PRMT8: variants seen among roughly 807,000 people sequenced by gnomAD.
PRMT8 encodes the protein protein arginine N-methyltransferase 8.
PRMT8 carries 7 observed loss-of-function variants against 47.1 expected under a neutral mutation model. The ratio of observed to expected loss-of-function variants is 0.15; its 90% CI spans 0.08 to 0.28. The LOEUF (loss-of-function observed/expected upper bound fraction) is 0.28. Among genes scored for constraint, PRMT8 ranks in the 10% least tolerant of loss-of-function variants. The pLI is 1.00. For missense variants in PRMT8, 237 were observed against 505.4 expected, an observed-to-expected ratio of 0.47 and a Z score of 5.09; for synonymous variants, 188 against 186.5, an observed-to-expected ratio of 1.01 and a Z score of -0.07.
rs1345082979 is a variant in PRMT8 at position 3,407,258 on chromosome 12, T to C, written c.48+25816T>C. 2.6e-5 allele frequency among the ~76,000 whole-genome samples: 4 copies of C among 152,196 alleles called. No individual in the cohort carries two copies. In the East Asian group the frequency reaches 7.7e-4, roughly 29 times the overall value. ...CCCACTGGGTCCCTCCCACAACACG[T>C]GGGGATTATGGGAATTACAATTCAA... On this transcript the variant is annotated intron_variant, in intron 1 of 9. Transcript: ENST00000452611.
At chr12:3,395,644 T>C (rs1864241706) in intron 1 of PRMT8, among the ~76,000 whole-genome samples, 1 of 149,016 alleles carries the variant, frequency 6.7e-6, no homozygotes, top group Non-Finnish European at 1.5e-5. Context: ...ATGTGGTCAA[T>C]TTTGGAATAG....
chr12:3,542,330 G>T (rs1226173945), intron 2 of PRMT8, among the ~76,000 whole-genome samples: 1 of 152,196 alleles, frequency 6.6e-6, no homozygotes, highest in Admixed American at 6.5e-5. Flanking sequence ...TGAGCCTGCA[G>T]CTTCTGGGAG....
rs1865461312 is a variant in PRMT8 at position 3,493,688 on chromosome 12, C to T, written c.75+1988C>T. 1.3e-5 allele frequency among the ~76,000 whole-genome samples: 2 copies of T among 152,254 alleles called. No homozygotes were observed. The highest frequency in any genetic ancestry group is 2.1e-4 in the South Asian group (1 of 4,836). On this transcript the variant is annotated intron_variant, in intron 1 of 9. Transcript: ENST00000382622. The surrounding 1 kb of genome is among the most constrained non-coding windows in gnomAD (Gnocchi z 8.2). ...GCCAGTCTATTTTTACTTGCTTCCC[C>T]CGCCGCTCCGCGCTCCCCCTTCTCA... is the stretch of plus-strand genomic sequence containing the variant.
chr12:3,509,552 C>T (rs973888962), intron 1 of PRMT8, among the ~76,000 whole-genome samples: 32 of 152,202 alleles, frequency 2.1e-4, no homozygotes, highest in Admixed American at 8.5e-4. Flanking sequence ...GCATCTACCA[C>T]GATAGCTGGT....
chr12:3,442,571 G>C (rs957961387), intron 1 of PRMT8, among the ~76,000 whole-genome samples: 4 of 152,208 alleles, frequency 2.6e-5, no homozygotes, highest in African/African-American at 9.6e-5. Context: ...AGAGAATGGG[G>C]TACCAGGGCT....
chr12:3,549,583 C>G (rs372650894), intron 2 of PRMT8, among the ~76,000 whole-genome samples: 18 of 152,018 alleles, frequency 1.2e-4, no homozygotes, highest in African/African-American at 4.1e-4. Context: ...TGACAATTCT[C>G]TCACCATGAC....
intron 1 of PRMT8, among the ~76,000 whole-genome samples, chr12:3,414,967 G>A (rs867611409): frequency 6.6e-6 from 1 of 152,068 alleles, no homozygotes; most frequent in East Asian, 1.9e-4. Flanking sequence ...CAGGTCAGCT[G>A]TTTCACTTAG....
intron 1 of PRMT8, among the ~76,000 whole-genome samples, chr12:3,539,899 C>T (rs896057762): frequency 5.9e-5 from 9 of 152,172 alleles, no homozygotes; most frequent in African/African-American, 1.9e-4. Context: ...TAGGAGACAC[C>T]AGAACCTAAG....
At chr12:3,524,814 A>G (rs767322917) in intron 1 of PRMT8, among the ~76,000 whole-genome samples, 6 of 152,080 alleles carry the variant, frequency 3.9e-5, no homozygotes, top group Non-Finnish European at 8.8e-5. Context: ...CCTATCAAAC[A>G]CCCAATCTTG....
intron 4 of PRMT8, among the ~76,000 whole-genome samples, chr12:3,554,971 A>G (rs565205635): frequency 6.6e-5 from 10 of 152,258 alleles, no homozygotes; most frequent in African/African-American, 2.4e-4. Flanking sequence ...ACACAACACT[A>G]CAAACCTGTG....
chr12:3,396,844 G>A (rs1325886026), intron 1 of PRMT8, among the ~76,000 whole-genome samples: 4 of 151,406 alleles, frequency 2.6e-5, no homozygotes, highest in African/African-American at 9.7e-5. Flanking sequence ...TCACTTTCAG[G>A]TACACCAATC....
rs563788027 is a variant in PRMT8, at chr12:3,509,908, G to A, written c.75+18208G>A. Among the ~76,000 whole-genome samples, 21 of 152,288 alleles carry A rather than the reference G, an allele frequency of 1.4e-4. No individual in the cohort carries two copies. The East Asian group carries it at 2.1e-3, about 15-fold the overall frequency. ...GATTTTCGCATAGACAAGTGTAACC[G>A]GCACGGCATAAGTCTCAGAAAGGGC... is the stretch of plus-strand genomic sequence containing the variant. On this transcript the variant is annotated intron_variant, in intron 1 of 9. Coordinates refer to ENST00000382622, the MANE Select transcript of PRMT8 (RefSeq NM_019854.5).
At chr12:3,469,855 C>T (rs1028378527) in intron 1 of PRMT8, among the ~76,000 whole-genome samples, 4 of 152,290 alleles carry the variant, frequency 2.6e-5, no homozygotes, top group Admixed American at 6.5e-5. Flanking sequence ...CAGCAGGGCT[C>T]TGTCGGCCTC....
chr12:3,397,755 G>C (rs568585267), intron 1 of PRMT8, among the ~76,000 whole-genome samples: 1 of 152,020 alleles, frequency 6.6e-6, no homozygotes, highest in Non-Finnish European at 1.5e-5. Flanking sequence ...CGTGCTTCCC[G>C]GCTGCTTTGT....
intron 8 of PRMT8, among the ~76,000 whole-genome samples, chr12:3,586,621 C>T (rs1867180281): frequency 6.6e-6 from 1 of 152,116 alleles, no homozygotes; most frequent in African/African-American, 2.4e-5. Flanking sequence ...TGAGCCTCAC[C>T]CTGGACCTCC....
rs894147768 is a variant in PRMT8, at chr12:3,552,182, G to C, written c.418-1469G>C. 1 of 152,944 alleles carries C rather than the reference G, an allele frequency of 6.5e-6. No individual in the cohort carries two copies. The highest frequency in any genetic ancestry group is 1.5e-5 in the Non-Finnish European group (1 of 68,666). The allele number at this position is 152,944 out of a possible 1,614,324, so 9.5% of individuals were successfully genotyped here. A position where few individuals can be genotyped will look rare whatever the true frequency, so the allele number is the denominator to read the frequency against. On this transcript the variant is annotated intron_variant, in intron 3 of 9. Coordinates refer to ENST00000382622, the MANE Select transcript of PRMT8 (RefSeq NM_019854.5). The surrounding 1 kb of genome is among the most constrained non-coding windows in gnomAD (Gnocchi z 4.5). ...GCGGAGGTTGCAGTGAGTCCAGATC[G>C]CGCCATTGCACTCCAGCCTGGGCGA...
intron 2 of PRMT8, among the ~76,000 whole-genome samples, chr12:3,543,705 C>G (rs1420798058): frequency 6.6e-6 from 1 of 152,188 alleles, no homozygotes; most frequent in African/African-American, 2.4e-5. Flanking sequence ...ATCCCATGCT[C>G]CATTCAGAGA....
chr12:3,580,961 A>C lies in PRMT8; in HGVS notation c.829-2097A>C, dbSNP rs1315343641. ...GCATTATGAAGGCTGACATATACTC[A>C]GTCTAAAACGTTTCCTAGATTTGAG... On this transcript the variant is annotated intron_variant, in intron 7 of 9. Coordinates refer to ENST00000382622, the MANE Select transcript of PRMT8 (RefSeq NM_019854.5). The surrounding 1 kb of genome is among the most constrained non-coding windows in gnomAD (Gnocchi z 4.6). Among the ~76,000 whole-genome samples, 2 of 152,228 alleles carry C rather than the reference A, an allele frequency of 1.3e-5. No homozygotes were observed. The highest frequency in any genetic ancestry group is 2.4e-5 in the African/African-American group (1 of 41,468).
At chr12:3,389,015 A>G (rs964226682) in intron 1 of PRMT8, among the ~76,000 whole-genome samples, 1 of 152,116 alleles carries the variant, frequency 6.6e-6, no homozygotes, top group African/African-American at 2.4e-5. Flanking sequence ...GGTGCCCAGG[A>G]CCACCTGCTT....
Sources: gnomAD v4.1 joint callset for allele counts (sites outside exome capture counted in the v4.1 genomes callset) on GRCh38, gnomAD v4.1.1 for gene constraint, Gnocchi (gnomAD v3.1) non-coding constraint, MANE v1.5 for transcripts, NCBI Gene and HGNC (gene_info 2026-07-23, HGNC 2026-07-21) for gene names.